B3GALT1: variants seen among roughly 807,000 people sequenced by gnomAD.
B3GALT1 encodes beta-1,3-galactosyltransferase 1.
In B3GALT1, 10 loss-of-function variants were observed where a neutral mutation model predicts 23.2. The observed-to-expected ratio is 0.43, with a 90% confidence interval of 0.27 to 0.73. B3GALT1 has a LOEUF of 0.73. Among genes scored for constraint, B3GALT1 ranks in the 30% least tolerant of loss-of-function variants. The probability of loss-of-function intolerance (pLI) is 0.21; values close to 1 mark genes in which losing one functional copy is unlikely to be tolerated. For missense variants in B3GALT1, 299 were observed against 405.4 expected (o/e 0.74, Z 2.25); for synonymous variants, 156 against 141.5 (o/e 1.10, Z -0.73).
intron 2 of B3GALT1, among the ~76,000 whole-genome samples, chr2:167,516,610 G>A (rs936988407): frequency 1.3e-5 from 2 of 151,976 alleles, no homozygotes; most frequent in African/African-American, 4.8e-5. Context: ...ATTATTTTCA[G>A]AAGTTATTGT....
At chr2:167,382,181 C>G (rs1454164611) in intron 1 of B3GALT1, among the ~76,000 whole-genome samples, 1 of 152,102 alleles carries the variant, frequency 6.6e-6, no homozygotes, top group Non-Finnish European at 1.5e-5. Flanking sequence ...GTGATTCCAC[C>G]ATCAAATAAT....
At chr2:167,618,647 A>G (rs191842822) in intron 2 of B3GALT1, among the ~76,000 whole-genome samples, 80 of 152,132 alleles carry the variant, frequency 5.3e-4, no homozygotes, top group Non-Finnish European at 9.3e-4. Flanking sequence ...TCAATTCAGC[A>G]TCAGATATTT....
chr2:167,774,498 T>TTTTTTTTTTTTG (rs1688127785), intron 3 of B3GALT1, among the ~76,000 whole-genome samples: 3 of 34,460 alleles, frequency 8.7e-5, no homozygotes, highest in Non-Finnish European at 1.3e-4. Context: ...TTTTTTTTTG[T>TTTTTTTTTTTTG]TTTTTTTTTT....
intron 1 of B3GALT1, among the ~76,000 whole-genome samples, chr2:167,381,910 T>C (rs1373551311): frequency 6.6e-6 from 1 of 152,240 alleles, no homozygotes; most frequent in Non-Finnish European, 1.5e-5. Flanking sequence ...TTTACTCTGA[T>C]GATGTAGACA....
At chr2:167,664,124 G>C (rs1686127042) in intron 3 of B3GALT1, among the ~76,000 whole-genome samples, 1 of 150,510 alleles carries the variant, frequency 6.6e-6, no homozygotes, top group Non-Finnish European at 1.5e-5. Context: ...AATCCATCTT[G>C]AATTGATTTT....
intron 2 of B3GALT1, among the ~76,000 whole-genome samples, chr2:167,538,120 G>T (rs897803258): frequency 6.6e-6 from 1 of 152,176 alleles, no homozygotes; most frequent in African/African-American, 2.4e-5. Context: ...ACCGTGCTTG[G>T]CCCTGGATCC....
intron 1 of B3GALT1, among the ~76,000 whole-genome samples, chr2:167,441,270 G>A (rs1698889359): frequency 6.6e-6 from 1 of 152,220 alleles, no homozygotes; most frequent in Non-Finnish European, 1.5e-5. Context: ...GTAGAAGATT[G>A]ATTACTTTAG....
In B3GALT1 at chr2:167,298,366, A is replaced by G. The variant is rs546511119; in HGVS notation, c.-511+5032A>G. On this transcript the variant is annotated intron_variant, in intron 1 of 4. Transcript: ENST00000392690. Reference sequence around the variant, plus strand: ...ATTAAACAGTTCTACATTTTGTAAAATAAATAATAGAAATGACTGCATCTA... The same window carrying G: ...ATTAAACAGTTCTACATTTTGTAAAGTAAATAATAGAAATGACTGCATCTA... Among the ~76,000 whole-genome samples, 9 of 152,272 alleles carry G rather than the reference A, an allele frequency of 5.9e-5. No homozygotes were observed. The South Asian group carries it at 8.3e-4, about 14-fold the overall frequency.
At chr2:167,431,459 T>C (rs1395898755) in intron 1 of B3GALT1, among the ~76,000 whole-genome samples, 3 of 152,334 alleles carry the variant, frequency 2.0e-5, no homozygotes, top group Non-Finnish European at 2.9e-5. Context: ...GCTAAGTGGG[T>C]TAACTTTTTC....
chr2:167,557,672 A>G (rs1396645651), intron 2 of B3GALT1, among the ~76,000 whole-genome samples: 3 of 152,158 alleles, frequency 2.0e-5, no homozygotes, highest in Non-Finnish European at 4.4e-5. Context: ...CAAATGTATA[A>G]TATGTTTTTC....
At chr2:167,844,355 ACCCACAGACC>A (rs1258468603) in intron 4 of B3GALT1, among the ~76,000 whole-genome samples, 15 of 152,264 alleles carry the variant, frequency 9.9e-5, no homozygotes, top group Non-Finnish European at 1.9e-4. Context: ...TCCCGAGAGG[ACCCACAGACC>A]CTCTGAAGGA....
chr2:167,537,321 A>T (rs1436636388), intron 2 of B3GALT1, among the ~76,000 whole-genome samples: 1 of 152,154 alleles, frequency 6.6e-6, no homozygotes, highest in Non-Finnish European at 1.5e-5. Context: ...CCCTTGACAC[A>T]TAAGGATTAC....
intron 1 of B3GALT1, among the ~76,000 whole-genome samples, chr2:167,400,166 C>G (rs62194919): frequency 2.9e-4 from 42 of 145,696 alleles, no homozygotes; most frequent in Non-Finnish European, 5.6e-4. Flanking sequence ...ACATCTATGT[C>G]TGTGTGTGTG....
intron 3 of B3GALT1, among the ~76,000 whole-genome samples, chr2:167,778,176 C>CAGTT (rs1688193267): frequency 6.6e-6 from 1 of 152,068 alleles, no homozygotes; most frequent in Non-Finnish European, 1.5e-5. Flanking sequence ...TGAACATTTG[C>CAGTT]AGTTAGAGAA....
rs532614765 is a variant in B3GALT1, at chr2:167,848,929, C to T, written c.-229-19882C>T. On this transcript the variant is annotated intron_variant, in intron 4 of 4. Transcript: ENST00000392690. The stretch of plus-strand genomic sequence containing the variant: ...TACAAGAATCAGTAGCTCTTCCATA[C>T]ACCAACAGCAACCAAGTGGAGAATC... Among the ~76,000 whole-genome samples the T allele has an allele frequency of 2.0e-5, 3 of 151,822 alleles. No homozygotes were observed. The South Asian group carries it at 6.2e-4, about 31-fold the overall frequency.
intron 3 of B3GALT1, among the ~76,000 whole-genome samples, chr2:167,811,461 C>T (rs1688887512): frequency 1.3e-5 from 2 of 152,182 alleles, no homozygotes; most frequent in African/African-American, 4.8e-5. Flanking sequence ...TTTCTGTTCA[C>T]TTTTTAGTGC....
chr2:167,474,393 A>G (rs1213558044), intron 1 of B3GALT1, among the ~76,000 whole-genome samples: 6 of 152,114 alleles, frequency 3.9e-5, no homozygotes, highest in Non-Finnish European at 5.9e-5. Flanking sequence ...TATCTCTTTC[A>G]CAAATAAAGT....
At chr2:167,385,203 A>G (rs188269256) in intron 1 of B3GALT1, among the ~76,000 whole-genome samples, 5 of 152,164 alleles carry the variant, frequency 3.3e-5, no homozygotes, top group African/African-American at 1.2e-4. Flanking sequence ...GTGTTTGCCT[A>G]TGCTGTTCTT....
chr2:167,386,999 T>C (rs970966034), intron 1 of B3GALT1, among the ~76,000 whole-genome samples: 1 of 150,018 alleles, frequency 6.7e-6, no homozygotes, highest in Admixed American at 6.6e-5. Context: ...ATTTCAATAC[T>C]GGTAGGTAGT....
Sources: gnomAD v4.1 joint callset for allele counts (sites outside exome capture counted in the v4.1 genomes callset) on GRCh38, gnomAD v4.1.1 for gene constraint, MANE v1.5 for transcripts, NCBI Gene and HGNC (gene_info 2026-07-23, HGNC 2026-07-21) for gene names.